NSMCE2: variants seen among roughly 807,000 people sequenced by gnomAD.
NSMCE2 encodes the protein NSE2 SUMO ligase component of SMC5/6 complex.
In NSMCE2, 24 loss-of-function variants were observed where a neutral mutation model predicts 23.8. That is an observed-to-expected ratio of 1.01 (90% CI 0.73 to 1.42). NSMCE2 has a LOEUF of 1.42. Among genes scored for constraint, NSMCE2 ranks in the 40% most tolerant of loss-of-function variants. NSMCE2 has a pLI of 0.00. For missense variants in NSMCE2, 284 were observed against 296.5 expected, an observed-to-expected ratio of 0.96 and a Z score of 0.31; for synonymous variants, 92 against 94.1, an observed-to-expected ratio of 0.98 and a Z score of 0.13.
chr8:125,341,785 A>G (rs1830259398), intron 5 of NSMCE2, among the ~76,000 whole-genome samples: 1 of 150,552 alleles, frequency 6.6e-6, no homozygotes, highest in African/African-American at 2.4e-5. Context: ...CTTGCAGAGC[A>G]CTCCTTTACT....
At chr8:125,362,141 G>A (rs992358267) in intron 7 of NSMCE2, among the ~76,000 whole-genome samples, 2 of 152,246 alleles carry the variant, frequency 1.3e-5, no homozygotes, top group South Asian at 2.1e-4. Flanking sequence ...GCACAGCGAT[G>A]ATGCGGCAGC....
intron 5 of NSMCE2, among the ~76,000 whole-genome samples, chr8:125,240,283 C>T (rs929664976): frequency 1.3e-5 from 2 of 152,084 alleles, no homozygotes; most frequent in Admixed American, 1.3e-4. Context: ...AGCCTCCACC[C>T]CTGGCTAATT....
At chr8:125,131,729 G>A (rs750371196) in intron 3 of NSMCE2, among the ~76,000 whole-genome samples, 2 of 152,166 alleles carry the variant, frequency 1.3e-5, no homozygotes, top group Non-Finnish European at 2.9e-5. Context: ...TTTTAAAAAT[G>A]CAAAATTGGA....
At chr8:125,262,500 CATTCATCCATTTATTAGT>C (rs1162225365) in intron 5 of NSMCE2, among the ~76,000 whole-genome samples, 1 of 152,154 alleles carries the variant, frequency 6.6e-6, no homozygotes, top group African/African-American at 2.4e-5. Context: ...GCCATTCATT[CATTCATCCATTTATTAGT>C]ATTCATCCAT....
At chr8:125,252,102 G>A (rs540244484) in intron 5 of NSMCE2, among the ~76,000 whole-genome samples, 1 of 152,252 alleles carries the variant, frequency 6.6e-6, no homozygotes, top group South Asian at 2.1e-4. Context: ...AGATTGCCCA[G>A]GAGAGTATAG....
intron 6 of NSMCE2, 55 bp downstream of exon 6, chr8:125,357,374 G>GA: frequency 8.3e-7 from 1 of 1,200,748 alleles, no homozygotes; most frequent in East Asian, 2.3e-5. Context: ...CACAGAGGCA[G>GA]AAAGGTTCCT....
intron 5 of NSMCE2, among the ~76,000 whole-genome samples, chr8:125,257,590 G>A (rs1164686381): frequency 7.0e-6 from 1 of 142,066 alleles, no homozygotes; most frequent in Non-Finnish European, 1.5e-5. Flanking sequence ...CTGGAGTGCA[G>A]TGGCGCGATC....
chr8:125,232,215 C>A (rs1323583192), intron 5 of NSMCE2, among the ~76,000 whole-genome samples: 1 of 151,948 alleles, frequency 6.6e-6, no homozygotes, highest in Non-Finnish European at 1.5e-5. Context: ...ACAAAAAAAT[C>A]AGCCGGATGT....
intron 5 of NSMCE2, among the ~76,000 whole-genome samples, chr8:125,224,413 C>G (rs1195110424): frequency 6.6e-6 from 1 of 152,092 alleles, no homozygotes; most frequent in African/African-American, 2.4e-5. Context: ...TAGTTTTCTT[C>G]AAGTAGTTTT....
At chr8:125,257,426 A>G (rs889397306) in intron 5 of NSMCE2, among the ~76,000 whole-genome samples, 1 of 151,976 alleles carries the variant, frequency 6.6e-6, no homozygotes, top group African/African-American at 2.4e-5. Context: ...AAAGGGGGTA[A>G]TCTCCTGTGT....
At chr8:125,249,815 A>T (rs940972155) in intron 5 of NSMCE2, among the ~76,000 whole-genome samples, 1 of 152,084 alleles carries the variant, frequency 6.6e-6, no homozygotes, top group African/African-American at 2.4e-5. Flanking sequence ...GATGATGGTG[A>T]TCATTATTAT....
Position 125,268,729 on chromosome 8 carries a change from A to G in NSMCE2, c.418+86473A>G, listed in dbSNP as rs962586651. On this transcript the variant is annotated intron_variant, in intron 5 of 7. Transcript: ENST00000287437. ...AAGAGAAAGAGATGCCCTGGGAGGAATGGCCTGAGATGGAGGAGGTGTAAG... is the reference window on the plus strand; with the variant it reads ...AAGAGAAAGAGATGCCCTGGGAGGAGTGGCCTGAGATGGAGGAGGTGTAAG... Among the ~76,000 whole-genome samples the G allele has an allele frequency of 2.6e-5, 4 of 152,186 alleles. No individual in the cohort carries two copies. The East Asian group carries it at 7.7e-4, about 29-fold the overall frequency.
chr8:125,159,164 T>G (rs1046599287), intron 4 of NSMCE2, among the ~76,000 whole-genome samples: 2 of 152,234 alleles, frequency 1.3e-5, no homozygotes, highest in African/African-American at 2.4e-5. Context: ...TTCACATAAC[T>G]TATTACAGTA....
intron 4 of NSMCE2, among the ~76,000 whole-genome samples, chr8:125,173,283 G>A (rs948290924): frequency 4.6e-5 from 7 of 152,166 alleles, no homozygotes; most frequent in African/African-American, 1.7e-4. Context: ...AACCAGAGTC[G>A]CAGTGATGGG....
At chr8:125,201,943 C>T (rs542741435) in intron 5 of NSMCE2, among the ~76,000 whole-genome samples, 62 of 152,280 alleles carry the variant, frequency 4.1e-4, no homozygotes, top group Middle Eastern at 6.8e-3. Flanking sequence ...CGCCTTCCTG[C>T]GAAGCTTCAG....
chr8:125,297,894 A>G (rs1308644158), intron 5 of NSMCE2, among the ~76,000 whole-genome samples: 1 of 152,196 alleles, frequency 6.6e-6, no homozygotes, highest in African/African-American at 2.4e-5. Context: ...GTATCAGAAA[A>G]TGAATACATA....
chr8:125,325,294 T>TTAAAATAAAATAAAA (rs111749670), intron 5 of NSMCE2, among the ~76,000 whole-genome samples: 18 of 127,188 alleles, frequency 1.4e-4, no homozygotes, highest in African/African-American at 4.0e-4. Context: ...CCCGTTTCTA[T>TTAAAATAAAATAAAA]TAAAATAAAA....
chr8:125,231,483 G>T lies in NSMCE2; in HGVS notation c.418+49227G>T, dbSNP rs78404943. 5.9e-3 allele frequency among the ~76,000 whole-genome samples: 902 copies of T among 152,280 alleles called. 9 individuals are homozygous for T. The highest frequency in any genetic ancestry group is 0.02 in the African/African-American group (850 of 41,550). ...TCAGAGATCAACCTCTTTAATGCCT[G>T]TCTTTGTTCCCTGGAACAGAGTTTG... On this transcript the variant is annotated intron_variant, in intron 5 of 7. Coordinates refer to ENST00000287437, the MANE Select transcript of NSMCE2 (RefSeq NM_173685.4).
intron 3 of NSMCE2, chr8:125,124,212 G>A (rs1016759378): frequency 5.3e-5 from 8 of 152,116 alleles, no homozygotes; most frequent in African/African-American, 1.9e-4. Flanking sequence ...CATGTTGCAT[G>A]TATCAGTAAG....
Sources: gnomAD v4.1 joint callset for allele counts (sites outside exome capture counted in the v4.1 genomes callset) on GRCh38, gnomAD v4.1.1 for gene constraint, MANE v1.5 for transcripts, NCBI Gene and HGNC (gene_info 2026-07-23, HGNC 2026-07-21) for gene names.